The following CLSTN1 variants were observed in gnomAD, a reference collection of about 807,000 sequenced individuals.
CLSTN1 encodes calsyntenin-1.
A neutral mutation model predicts 108.3 loss-of-function variants in CLSTN1; 28 were observed. The observed-to-expected ratio is 0.26, with a 90% CI of 0.19 to 0.35. The LOEUF is 0.35. Ranked by LOEUF, CLSTN1 falls within the 10% of genes least tolerant of loss-of-function variation. The probability of loss-of-function intolerance (pLI) is 1.00; values close to 1 mark genes in which losing one functional copy is unlikely to be tolerated. For synonymous variants in CLSTN1, 524 were observed against 534.9 expected (o/e 0.98, Z 0.28); for missense variants, 1,157 against 1,302.6 (o/e 0.89, Z 1.72).
At chr1:9,741,468 C>T (rs145104073) in intron 9 of CLSTN1, among the ~76,000 whole-genome samples, 4 of 152,322 alleles carry the variant, frequency 2.6e-5, no homozygotes, top group Non-Finnish European at 4.4e-5. Flanking sequence ...TGCTCACTAA[C>T]CAGAGGACAC....
Position 9,821,974 on chromosome 1 carries a change from T to C in CLSTN1, c.91+1669A>G, listed in dbSNP as rs1046440778. ...TGAAGATATTCAAAGTTGAAATGTA[T>C]GCTGTTTAAGTAACCAAGGCAATTA... is the stretch of plus-strand genomic sequence containing the variant. On this transcript the variant is annotated intron_variant, in intron 1 of 18. Coordinates refer to ENST00000377298, the MANE Select transcript of CLSTN1 (RefSeq NM_001009566.3). Among the ~76,000 whole-genome samples the C allele has an allele frequency of 2.6e-5, 4 of 152,204 alleles. No individual in the cohort carries two copies. In the East Asian group the frequency reaches 5.8e-4, roughly 22 times the overall value.
chr1:9,795,167 C>CTT (rs147619742), intron 1 of CLSTN1, among the ~76,000 whole-genome samples: 6 of 142,990 alleles, frequency 4.2e-5, no homozygotes, highest in Non-Finnish European at 6.1e-5. Context: ...CAAATATTAA[C>CTT]TTTTTTTTTT....
intron 1 of CLSTN1, among the ~76,000 whole-genome samples, chr1:9,796,240 C>A (rs138059562): frequency 7.1e-6 from 1 of 140,416 alleles, no homozygotes; most frequent in Admixed American, 8.1e-5. Context: ...CCAGCCTGGG[C>A]GACAGGGCAA....
intron 2 of CLSTN1, among the ~76,000 whole-genome samples, chr1:9,765,202 T>C (rs954173328): frequency 6.6e-6 from 1 of 151,856 alleles, no homozygotes; most frequent in Admixed American, 6.6e-5. Context: ...CTGACCAACA[T>C]GGAGAAACCC....
chr1:9,803,260 G>C (rs945585223), intron 1 of CLSTN1, among the ~76,000 whole-genome samples: 1 of 152,036 alleles, frequency 6.6e-6, no homozygotes, highest in Non-Finnish European at 1.5e-5. Context: ...CCTCTCAAGG[G>C]GAAACTGGAT....
chr1:9,770,700 G>A (rs1428656550), intron 2 of CLSTN1, among the ~76,000 whole-genome samples: 1 of 152,214 alleles, frequency 6.6e-6, no homozygotes, highest in Non-Finnish European at 1.5e-5. Flanking sequence ...CTTTATAAGT[G>A]CATGCATTAT....
chr1:9,790,394 C>T (rs1043121172), intron 1 of CLSTN1, among the ~76,000 whole-genome samples: 3 of 151,316 alleles, frequency 2.0e-5, no homozygotes, highest in Non-Finnish European at 4.4e-5. Flanking sequence ...AATTGGTATG[C>T]TGTGACTTTT....
intron 2 of CLSTN1, among the ~76,000 whole-genome samples, chr1:9,768,358 CGG>C (rs1652460737): frequency 1.2e-5 from 1 of 84,082 alleles, no homozygotes; most frequent in Non-Finnish European, 2.3e-5. Flanking sequence ...ACCATGGGGG[CGG>C]GATTCTGTGT....
chr1:9,773,289 G>A lies in CLSTN1; in HGVS notation c.197C>T (p.Ala66Val), dbSNP rs1323092498. 3.1e-6 allele frequency: 5 copies of A among 1,613,860 alleles called. No homozygotes were observed. Among genetic ancestry groups the A allele is most frequent in the African/African-American group, 1.3e-5 (1 of 74,922 alleles). Reference protein sequence around the residue: ...DPPLIALDKDAPLRFAESFEV... With the variant: ...DPPLIALDKDVPLRFAESFEV... Reference sequence around the variant, plus strand: ...GTTCCTACCTGCAAATCGCAGAGGCGCATCTTTATCCAGCGCGATCAGTGG... The same window carrying A: ...GTTCCTACCTGCAAATCGCAGAGGCACATCTTTATCCAGCGCGATCAGTGG... Residue 66 changes from alanine (A) to valine (V), a missense_variant, in exon 2 of 19, where the codon GCG becomes GTG. Ala to Val is a moderately conservative substitution (Grantham distance 64). Transcript: ENST00000377298.
rs116222966 is a variant in CLSTN1 at position 9,734,929 on chromosome 1, G to A, written c.2110+19C>T. ...TTCCGGCCGAGGCGAGGGAGCCCGC[G>A]CCCCACAGAGCACATTACCTGTGGG... On this transcript the variant is annotated intron_variant, in intron 14 of 18. Coordinates refer to ENST00000377298, the MANE Select transcript of CLSTN1 (RefSeq NM_001009566.3). This position sits in a 1 kb window ranked among gnomAD's most constrained non-coding sequence, Gnocchi z 4.8. 313 of 1,597,678 alleles carry A rather than the reference G, an allele frequency of 2.0e-4. No individual in the cohort carries two copies. In the African/African-American group the frequency reaches 3.8e-3, roughly 19 times the overall value.
At chr1:9,813,448 G>A (rs1469977260) in intron 1 of CLSTN1, among the ~76,000 whole-genome samples, 1 of 150,618 alleles carries the variant, frequency 6.6e-6, no homozygotes. Context: ...GCAGTGAGCT[G>A]AGATCATACC....
chr1:9,760,994 C>T (rs1295464265), intron 2 of CLSTN1, among the ~76,000 whole-genome samples: 4 of 151,934 alleles, frequency 2.6e-5, no homozygotes, highest in Admixed American at 2.6e-4. Context: ...TTCTGCCCTG[C>T]TCCCTCCCAC....
chr1:9,733,997 G>A lies in CLSTN1; in HGVS notation c.2256C>T (p.Ser752=). The A allele has an allele frequency of 6.2e-7, 1 of 1,614,100 alleles. No homozygotes were observed. The highest frequency in any genetic ancestry group is 1.1e-5 in the South Asian group (1 of 91,080). The part of the protein sequence containing the change: ...RLQQKGIEVS[S]SELGMTFTGV... ...CTGTGAAGGTCATGCCCAGTTCAGA[G>A]CTGCTCACTTCAATGCCCTTCTGCT... The change falls in exon 15 of 19, where the codon AGC becomes AGT. Residue 752 remains serine, a synonymous_variant. Transcript: ENST00000377298.
chr1:9,809,303 C>T (rs778808962), intron 1 of CLSTN1, among the ~76,000 whole-genome samples: 15 of 152,206 alleles, frequency 9.9e-5, no homozygotes, highest in Non-Finnish European at 2.1e-4. Context: ...GCCTTACTCG[C>T]CTGATGGTCT....
intron 9 of CLSTN1, among the ~76,000 whole-genome samples, chr1:9,743,551 TTTTC>T (rs1292233606): frequency 2.6e-5 from 4 of 152,126 alleles, no homozygotes; most frequent in Non-Finnish European, 4.4e-5. Context: ...ATGACAGTGT[TTTTC>T]TTTTTCTTTG....
chr1:9,736,541 T>C (rs762147301), intron 11 of CLSTN1, among the ~76,000 whole-genome samples: 12 of 152,202 alleles, frequency 7.9e-5, no homozygotes, highest in Non-Finnish European at 1.5e-4. Context: ...AAGGATGCTA[T>C]GGTGTTAAGT....
At chr1:9,752,246 C>T (rs894349883) in intron 4 of CLSTN1, among the ~76,000 whole-genome samples, 2 of 152,018 alleles carry the variant, frequency 1.3e-5, no homozygotes, top group East Asian at 1.9e-4. Context: ...AGAGGCAGGC[C>T]GTTGCCACCT....
At chr1:9,788,619 G>C (rs974518005) in intron 1 of CLSTN1, among the ~76,000 whole-genome samples, 1 of 151,028 alleles carries the variant, frequency 6.6e-6, no homozygotes, top group African/African-American at 2.4e-5. Context: ...TGTAATCCCA[G>C]CACTTTGGGA....
intron 1 of CLSTN1, chr1:9,780,999 A>G (rs1653217116): frequency 4.1e-6 from 2 of 482,368 alleles, no homozygotes; most frequent in Non-Finnish European, 7.3e-6. Context: ...TCGGTGCTTA[A>G]AAAGTTTCGG....
Sources: gnomAD v4.1 joint callset for allele counts (sites outside exome capture counted in the v4.1 genomes callset) on GRCh38, gnomAD v4.1.1 for gene constraint, Gnocchi (gnomAD v3.1) non-coding constraint, MANE v1.5 for transcripts, NCBI Gene and HGNC (gene_info 2026-07-23, HGNC 2026-07-21) for gene names.